Variants in PDSS1 observed in about 807,000 individuals in gnomAD.
PDSS1 encodes decaprenyl diphosphate synthase subunit 1, also known as all trans-polyprenyl-diphosphate synthase PDSS1.
PDSS1 carries 43 observed loss-of-function variants against 57.5 expected under a neutral mutation model. The observed-to-expected ratio is 0.75, with a 90% CI of 0.59 to 0.96. The LOEUF (loss-of-function observed/expected upper bound fraction) is 0.96, where lower values mean the gene tolerates loss of function less well. Among genes scored for constraint, PDSS1 ranks in the 50% least tolerant of loss-of-function variants. PDSS1 has a pLI of 0.00. For synonymous variants in PDSS1, 175 were observed against 191.3 expected (o/e 0.91, Z 0.70); for missense variants, 438 against 527.8 (o/e 0.83, Z 1.67).
At chr10:26,730,705 T>C (rs1836159936) in intron 8 of PDSS1, among the ~76,000 whole-genome samples, 1 of 152,152 alleles carries the variant, frequency 6.6e-6, no homozygotes, top group African/African-American at 2.4e-5. Flanking sequence ...CCTGTTTTCT[T>C]CCCCTACCCC....
At chr10:26,724,455 ACACT>A (rs1835889177) in intron 8 of PDSS1, among the ~76,000 whole-genome samples, 1 of 152,186 alleles carries the variant, frequency 6.6e-6, no homozygotes, top group Admixed American at 6.5e-5. Context: ...GATATCACAC[ACACT>A]CTTTCTGACA....
intron 11 of PDSS1, among the ~76,000 whole-genome samples, chr10:26,745,645 G>A (rs1257188963): frequency 2.6e-5 from 4 of 152,056 alleles, no homozygotes; most frequent in African/African-American, 7.2e-5. Context: ...CCAGGAGTTC[G>A]AGACCAGCCT....
Position 26,735,371 on chromosome 10 carries a change from A to G in PDSS1, c.912+51A>G, listed in dbSNP as rs141486367. On this transcript the variant is annotated intron_variant, in intron 9 of 11. Coordinates refer to ENST00000376215, the MANE Select transcript of PDSS1 (RefSeq NM_014317.5). ...ATGGTGGCGTAGTGATACAGTCAGCATTCTCCCCTAGTGTGTAATCGTCAA... is the reference window on the plus strand; with the variant it reads ...ATGGTGGCGTAGTGATACAGTCAGCGTTCTCCCCTAGTGTGTAATCGTCAA... 1.7e-3 allele frequency: 2,390 copies of G among 1,406,606 alleles called. 36 individuals are homozygous for G. The African/African-American group carries it at 0.025, about 15-fold the overall frequency. The allele number at this position is 1,406,606 out of a possible 1,614,324, so 87.1% of individuals were successfully genotyped here. A position where few individuals can be genotyped will look rare whatever the true frequency, so the allele number is the denominator to read the frequency against.
intron 8 of PDSS1, among the ~76,000 whole-genome samples, chr10:26,731,329 A>T (rs1564431956): frequency 6.6e-6 from 1 of 152,338 alleles, no homozygotes. Context: ...CGACAAAGTG[A>T]GACTCCATCT....
intron 9 of PDSS1, 41 bp downstream of exon 9, chr10:26,735,361 T>C: frequency 6.9e-7 from 1 of 1,444,504 alleles, no homozygotes; most frequent in Non-Finnish European, 9.8e-7. Context: ...GGCGTAGTGA[T>C]ACAGTCAGCA....
At chr10:26,742,671 T>G (rs1412058077) in intron 11 of PDSS1, 94 bp downstream of exon 11, 1 of 752,918 alleles carries the variant, frequency 1.3e-6, no homozygotes, top group East Asian at 2.6e-5. Flanking sequence ...CATTAAATTA[T>G]AGATACAAGA....
chr10:26,738,371 G>T (rs767664612), intron 10 of PDSS1, among the ~76,000 whole-genome samples: 1 of 152,194 alleles, frequency 6.6e-6, no homozygotes. Flanking sequence ...GCACAGCAGG[G>T]AACTGAACAA....
chr10:26,745,813 T>C (rs1012026796), intron 11 of PDSS1, among the ~76,000 whole-genome samples: 4 of 151,292 alleles, frequency 2.6e-5, no homozygotes, highest in Non-Finnish European at 5.9e-5. Context: ...TGTCATGCAC[T>C]CTAGCTTGGG....
intron 5 of PDSS1, among the ~76,000 whole-genome samples, chr10:26,714,458 C>G (rs959428900): frequency 7.7e-6 from 1 of 130,206 alleles, no homozygotes; most frequent in Admixed American, 8.6e-5. Context: ...CTAGGGGAGA[C>G]TCTGTCTCAA....
intron 9 of PDSS1, 39 bp from the exon 10 acceptor site, chr10:26,735,427 A>G (rs768488223): frequency 7.0e-7 from 1 of 1,432,610 alleles, no homozygotes. Flanking sequence ...CAGTGTTGGC[A>G]TGGCGGTGCT....
chr10:26,745,315 A>G (rs546508040), intron 11 of PDSS1, among the ~76,000 whole-genome samples: 1 of 152,342 alleles, frequency 6.6e-6, no homozygotes, highest in East Asian at 1.9e-4. Context: ...GAAAGAACCA[A>G]TATTTTAAAA....
chr10:26,710,013 G>A (rs915511869), intron 5 of PDSS1, among the ~76,000 whole-genome samples: 3 of 151,906 alleles, frequency 2.0e-5, no homozygotes, highest in Non-Finnish European at 4.4e-5. Context: ...AATTAGCCGG[G>A]CGTGGTGGCA....
chr10:26,704,829 A>G, intron 3 of PDSS1, 88 bp downstream of exon 3: 2 of 743,040 alleles, frequency 2.7e-6, no homozygotes, highest in Non-Finnish European at 4.8e-6. Flanking sequence ...AGCGATGGGG[A>G]GCTCACTGTG....
intron 11 of PDSS1, among the ~76,000 whole-genome samples, chr10:26,745,543 G>C (rs1326089407): frequency 6.6e-6 from 1 of 151,970 alleles, no homozygotes; most frequent in East Asian, 1.9e-4. Flanking sequence ...AACTAAAATT[G>C]GTAATCAAGA....
chr10:26,728,003 G>A (rs1324900283), intron 8 of PDSS1, among the ~76,000 whole-genome samples: 1 of 152,156 alleles, frequency 6.6e-6, no homozygotes, highest in African/African-American at 2.4e-5. Context: ...CTCATACCAG[G>A]AGGCGCGTGC....
At chr10:26,724,178 C>T in intron 8 of PDSS1, 55 bp downstream of exon 8, 1 of 1,178,994 alleles carries the variant, frequency 8.5e-7, no homozygotes, top group South Asian at 1.2e-5. Flanking sequence ...TTTTTGGGAG[C>T]TAATTTTCCT....
At chr10:26,728,415 G>A (rs985370770) in intron 8 of PDSS1, among the ~76,000 whole-genome samples, 8 of 151,884 alleles carry the variant, frequency 5.3e-5, no homozygotes, top group South Asian at 2.1e-4. Context: ...GCTTGAATCC[G>A]GGAGGCGGAG....
intron 8 of PDSS1, 59 bp downstream of exon 8, chr10:26,724,182 T>C: frequency 8.5e-7 from 1 of 1,171,918 alleles, no homozygotes; most frequent in Admixed American, 1.7e-5. Flanking sequence ...TGGGAGCTAA[T>C]TTTCCTAGAA....
intron 10 of PDSS1, among the ~76,000 whole-genome samples, chr10:26,737,609 G>A (rs890490432): frequency 6.6e-6 from 1 of 150,788 alleles, no homozygotes; most frequent in Non-Finnish European, 1.5e-5. Context: ...GTGCATGCCT[G>A]TAATCCCAGC....
Sources: gnomAD v4.1 joint callset for allele counts (sites outside exome capture counted in the v4.1 genomes callset) on GRCh38, gnomAD v4.1.1 for gene constraint, MANE v1.5 for transcripts, NCBI Gene and HGNC (gene_info 2026-07-23, HGNC 2026-07-21) for gene names.